CNTNAP5: variants seen among roughly 807,000 people sequenced by gnomAD.
The protein encoded by CNTNAP5 is contactin-associated protein-like 5.
In CNTNAP5, 72 loss-of-function variants were observed where a neutral mutation model predicts 150.2. That is an observed-to-expected ratio of 0.48 (90% CI 0.40 to 0.58). The LOEUF (loss-of-function observed/expected upper bound fraction) is 0.58, where lower values mean the gene tolerates loss of function less well. Ranked by LOEUF, CNTNAP5 falls within the 20% of genes least tolerant of loss-of-function variation. The pLI is 0.00. For missense variants in CNTNAP5, 1,636 were observed against 1,626.2 expected, an observed-to-expected ratio of 1.01 and a Z score of -0.10; for synonymous variants, 672 against 619.8, an observed-to-expected ratio of 1.08 and a Z score of -1.25.
chr2:124,380,903 G>T (rs540909780), intron 3 of CNTNAP5, among the ~76,000 whole-genome samples: 1 of 152,092 alleles, frequency 6.6e-6, no homozygotes, highest in Non-Finnish European at 1.5e-5. Context: ...TATGTGTCAC[G>T]CAAAAAAGTA....
chr2:124,852,973 T>C (rs1167943272), intron 19 of CNTNAP5, among the ~76,000 whole-genome samples: 5 of 152,160 alleles, frequency 3.3e-5, no homozygotes, highest in African/African-American at 1.2e-4. Flanking sequence ...AGCTTTTTGG[T>C]GAGGACAATC....
At chr2:124,227,638 G>A (rs1686495390) in intron 2 of CNTNAP5, among the ~76,000 whole-genome samples, 1 of 130,000 alleles carries the variant, frequency 7.7e-6, no homozygotes, top group South Asian at 2.7e-4. Context: ...CACATCGTGT[G>A]TATGTGTGTG....
chr2:124,919,110 G>A lies in CNTNAP5; in HGVS notation c.*4822G>A, dbSNP rs1312013729. Among the ~76,000 whole-genome samples the A allele has an allele frequency of 2.6e-5, 4 of 151,756 alleles. No homozygotes were observed. The highest frequency in any genetic ancestry group is 1.3e-4 in the Admixed American group (2 of 15,220). On this transcript the variant is annotated 3_prime_UTR_variant, in exon 24 of 24. Transcript: ENST00000682447. ...AATTCCAAATTTGAACCACCTAAAG[G>A]GGAAAAAATGCAACACACACACGCA... is the stretch of plus-strand genomic sequence containing the variant.
chr2:124,846,526 C>G (rs1322667717), intron 19 of CNTNAP5, among the ~76,000 whole-genome samples: 1 of 152,072 alleles, frequency 6.6e-6, no homozygotes, highest in African/African-American at 2.4e-5. Flanking sequence ...TCTCTGATGC[C>G]TCCTTGATTA....
chr2:124,627,096 C>A (rs6751507), intron 12 of CNTNAP5, among the ~76,000 whole-genome samples: 3 of 151,964 alleles, frequency 2.0e-5, no homozygotes, highest in Non-Finnish European at 2.9e-5. Context: ...CCCTGAGACC[C>A]AGCATCTGCG....
chr2:124,123,719 A>T (rs915014516), intron 1 of CNTNAP5, among the ~76,000 whole-genome samples: 2 of 152,096 alleles, frequency 1.3e-5, no homozygotes, highest in African/African-American at 4.8e-5. Context: ...CAGAAGGACG[A>T]TCTGACAGCA....
intron 19 of CNTNAP5, among the ~76,000 whole-genome samples, chr2:124,845,438 A>ATTT (rs201596844): frequency 3.4e-4 from 45 of 131,294 alleles, no homozygotes; most frequent in African/African-American, 6.5e-4. Flanking sequence ...GGTCTGTAGT[A>ATTT]TTTTTTTTTT....
intron 1 of CNTNAP5, among the ~76,000 whole-genome samples, chr2:124,221,192 G>A (rs191646995): frequency 4.6e-5 from 7 of 152,252 alleles, no homozygotes; most frequent in Admixed American, 3.3e-4. Flanking sequence ...ATTGTTTTCT[G>A]AAGACTTTCA....
At chr2:124,714,758 T>C (rs562487922) in intron 13 of CNTNAP5, among the ~76,000 whole-genome samples, 1 of 151,828 alleles carries the variant, frequency 6.6e-6, no homozygotes, top group South Asian at 2.1e-4. Context: ...GCTACCTACA[T>C]ATTAAATATA....
chr2:124,768,388 A>G (rs1248626715), intron 16 of CNTNAP5, among the ~76,000 whole-genome samples: 4 of 152,076 alleles, frequency 2.6e-5, no homozygotes, highest in Admixed American at 2.6e-4. Context: ...TTATGATTTC[A>G]GAAGTATCAT....
intron 21 of CNTNAP5, among the ~76,000 whole-genome samples, chr2:124,874,508 C>CT (rs1378216456): frequency 6.6e-6 from 1 of 151,954 alleles, no homozygotes; most frequent in South Asian, 2.1e-4. Context: ...GAAACTCTGC[C>CT]TTTTTTGTTT....
chr2:124,254,287 T>A (rs1013846939), intron 3 of CNTNAP5, among the ~76,000 whole-genome samples: 3 of 152,138 alleles, frequency 2.0e-5, no homozygotes, highest in Admixed American at 6.6e-5. Flanking sequence ...CAAATGTAAA[T>A]GTATCTTCAA....
intron 17 of CNTNAP5, among the ~76,000 whole-genome samples, chr2:124,780,001 T>G (rs1410777292): frequency 6.6e-6 from 1 of 152,178 alleles, no homozygotes; most frequent in African/African-American, 2.4e-5. Context: ...ATATTTAGTG[T>G]TCAATAAAAA....
At chr2:124,429,262 A>G (rs111825932) in intron 4 of CNTNAP5, among the ~76,000 whole-genome samples, 8 of 152,220 alleles carry the variant, frequency 5.3e-5, no homozygotes, top group South Asian at 2.1e-4. Flanking sequence ...TTCATGTGCT[A>G]TCATGCATAG....
chr2:124,193,154 C>T (rs1323315022), intron 1 of CNTNAP5, among the ~76,000 whole-genome samples: 1 of 152,220 alleles, frequency 6.6e-6, no homozygotes, highest in Non-Finnish European at 1.5e-5. Context: ...GGACACCAGT[C>T]ATACTGGATA....
At chr2:124,840,900 G>A (rs992019654) in intron 19 of CNTNAP5, among the ~76,000 whole-genome samples, 3 of 152,096 alleles carry the variant, frequency 2.0e-5, no homozygotes, top group Non-Finnish European at 4.4e-5. Flanking sequence ...TGAGGACCAA[G>A]CAATGTGCAG....
At chr2:124,240,929 C>T (rs778605398) in intron 2 of CNTNAP5, among the ~76,000 whole-genome samples, 1 of 152,040 alleles carries the variant, frequency 6.6e-6, no homozygotes, top group Non-Finnish European at 1.5e-5. Context: ...TCCAAGGTGG[C>T]GAGAAAGTAG....
At chr2:124,075,436 A>G (rs1573735811) in intron 1 of CNTNAP5, among the ~76,000 whole-genome samples, 1 of 152,008 alleles carries the variant, frequency 6.6e-6, no homozygotes, top group East Asian at 1.9e-4. Flanking sequence ...TGTCACAATC[A>G]CTTTTCTCAT....
At chr2:124,479,410 C>T (rs1049052207) in intron 7 of CNTNAP5, among the ~76,000 whole-genome samples, 1 of 152,164 alleles carries the variant, frequency 6.6e-6, no homozygotes, top group African/African-American at 2.4e-5. Flanking sequence ...TGAAGTTTCA[C>T]TCCCATTATT....
Sources: gnomAD v4.1 joint callset for allele counts (sites outside exome capture counted in the v4.1 genomes callset) on GRCh38, gnomAD v4.1.1 for gene constraint, MANE v1.5 for transcripts, NCBI Gene and HGNC (gene_info 2026-07-23, HGNC 2026-07-21) for gene names.